The following ASTN2 variants were observed in gnomAD, a reference collection of about 807,000 sequenced individuals.
ASTN2 encodes astrotactin-2.
In ASTN2, 54 loss-of-function variants were observed where a neutral mutation model predicts 139.8. The ratio of observed to expected loss-of-function variants is 0.39; its 90% CI spans 0.31 to 0.48. The LOEUF (loss-of-function observed/expected upper bound fraction) is 0.48, where lower values mean the gene tolerates loss of function less well. Ranked by LOEUF, ASTN2 falls within the 20% of genes least tolerant of loss-of-function variation. The probability of loss-of-function intolerance (pLI) is 0.95; values close to 1 mark genes in which losing one functional copy is unlikely to be tolerated. For synonymous variants in ASTN2, 756 were observed against 719.5 expected (o/e 1.05, Z -0.81); for missense variants, 1,565 against 1,725.1 (o/e 0.91, Z 1.64).
chr9:117,229,003 C>CA (rs34016967), intron 2 of ASTN2, among the ~76,000 whole-genome samples: 2 of 122,640 alleles, frequency 1.6e-5, no homozygotes, highest in Non-Finnish European at 3.7e-5. Flanking sequence ...GACTCCATTT[C>CA]AAAAAACAAA....
chr9:116,514,450 G>A (rs113189148), intron 19 of ASTN2, among the ~76,000 whole-genome samples: 1,869 of 152,212 alleles, frequency 0.012, 33 homozygotes, highest in African/African-American at 0.043. Flanking sequence ...CAGGGGTCAG[G>A]GACCCACTTG....
intron 1 of ASTN2, among the ~76,000 whole-genome samples, chr9:117,410,734 C>T (rs1320294999): frequency 6.6e-6 from 1 of 152,180 alleles, no homozygotes; most frequent in Non-Finnish European, 1.5e-5. Flanking sequence ...CCCCAGTCTT[C>T]TCCAATTCTA....
Position 117,361,383 on chromosome 9 carries a change from C to A in ASTN2, c.442+53114G>T, listed in dbSNP as rs987117618. 2.7e-5 allele frequency among the ~76,000 whole-genome samples: 4 copies of A among 150,614 alleles called. No homozygotes were observed. The South Asian group carries it at 8.4e-4, about 32-fold the overall frequency. ...GGCCGACTTGGAATCCTAGCTCCAACTCCACCCTCATTAAATTCTGTGTGA... is the reference window on the plus strand; with the variant it reads ...GGCCGACTTGGAATCCTAGCTCCAAATCCACCCTCATTAAATTCTGTGTGA... On this transcript the variant is annotated intron_variant, in intron 1 of 22. Coordinates refer to ENST00000313400, the MANE Select transcript of ASTN2 (RefSeq NM_001365068.1).
rs764888132 is a variant in ASTN2, at chr9:116,725,751, A to G, written c.2806+20T>C. ...TATAGCCTGCCTGGCCACCTCCTAC[A>G]GTAGGCACTCCGGGCTTACCTTTCT... On this transcript the variant is annotated intron_variant, in intron 16 of 22. Transcript: ENST00000313400. 2 of 1,608,880 alleles carry G rather than the reference A, an allele frequency of 1.2e-6. No individual in the cohort carries two copies. Among genetic ancestry groups the G allele is most frequent in the Non-Finnish European group, 8.5e-7 (1 of 1,178,190 alleles).
At chr9:117,413,882 A>G (rs1473664965) in intron 1 of ASTN2, among the ~76,000 whole-genome samples, 3 of 152,062 alleles carry the variant, frequency 2.0e-5, no homozygotes, top group Non-Finnish European at 4.4e-5. Flanking sequence ...CTCAGCAACC[A>G]CTCAAGTCTC....
intron 20 of ASTN2, among the ~76,000 whole-genome samples, chr9:116,468,101 A>G (rs1848705878): frequency 6.6e-6 from 1 of 152,122 alleles, no homozygotes; most frequent in Admixed American, 6.6e-5. Flanking sequence ...TGACACTATC[A>G]TTATCAATAC....
chr9:116,999,548 CTTTTTTTTTTTTTTTTTTTTT>C (rs71379248), intron 7 of ASTN2, among the ~76,000 whole-genome samples: 1 of 94,964 alleles, frequency 1.1e-5, no homozygotes, highest in Admixed American at 1.1e-4. Flanking sequence ...TTCTCTCTTT[CTTTTTTTTTTTTTTTTTTTTT>C]TTTTTTTTTG....
intron 6 of ASTN2, among the ~76,000 whole-genome samples, chr9:117,019,254 T>A (rs1242043511): frequency 6.6e-6 from 1 of 152,072 alleles, no homozygotes; most frequent in Non-Finnish European, 1.5e-5. Context: ...TCCAAAGACA[T>A]GTAATACATC....
chr9:116,622,872 T>A (rs987568688), intron 17 of ASTN2, among the ~76,000 whole-genome samples: 5 of 152,232 alleles, frequency 3.3e-5, no homozygotes, highest in African/African-American at 1.2e-4. Flanking sequence ...GTCTATTCTC[T>A]AGCCAGCACC....
intron 1 of ASTN2, among the ~76,000 whole-genome samples, chr9:117,371,033 C>G (rs895347775): frequency 1.3e-5 from 2 of 151,512 alleles, no homozygotes; most frequent in African/African-American, 4.9e-5. Flanking sequence ...TCAAATACCC[C>G]CAACAGTCCC....
chr9:117,039,192 A>T (rs1446454316), intron 6 of ASTN2, among the ~76,000 whole-genome samples: 40 of 152,218 alleles, frequency 2.6e-4, no homozygotes. Context: ...AGTTAAAAGT[A>T]GTCTTTACTG....
intron 13 of ASTN2, among the ~76,000 whole-genome samples, chr9:116,778,498 C>T (rs1042447157): frequency 1.3e-5 from 2 of 152,066 alleles, no homozygotes; most frequent in Non-Finnish European, 2.9e-5. Context: ...AGGGAAAATA[C>T]TTGGGGGCTT....
intron 20 of ASTN2, among the ~76,000 whole-genome samples, chr9:116,462,474 C>A (rs758279326): frequency 2.6e-5 from 4 of 152,154 alleles, no homozygotes; most frequent in Non-Finnish European, 5.9e-5. Context: ...CAATAATAAT[C>A]CTGTATTCTT....
intron 10 of ASTN2, among the ~76,000 whole-genome samples, chr9:116,926,913 G>A (rs1294480933): frequency 6.6e-6 from 1 of 152,166 alleles, no homozygotes; most frequent in Non-Finnish European, 1.5e-5. Flanking sequence ...GGGCCATCAG[G>A]AGATTATTTA....
At chr9:116,750,199 T>C (rs1829359833) in intron 13 of ASTN2, among the ~76,000 whole-genome samples, 1 of 152,154 alleles carries the variant, frequency 6.6e-6, no homozygotes, top group South Asian at 2.1e-4. Flanking sequence ...AAGCAAAAGA[T>C]AGAAAATAAT....
chr9:116,902,518 A>G (rs1021201542), intron 10 of ASTN2, among the ~76,000 whole-genome samples: 2 of 152,162 alleles, frequency 1.3e-5, no homozygotes, highest in African/African-American at 4.8e-5. Context: ...AATTGCCTAC[A>G]GTATTCAGTA....
intron 10 of ASTN2, among the ~76,000 whole-genome samples, chr9:116,881,787 C>A (rs1057260004): frequency 2.0e-5 from 3 of 152,166 alleles, no homozygotes; most frequent in Non-Finnish European, 4.4e-5. Flanking sequence ...CAGCAACAGG[C>A]CGTGTTCAAT....
chr9:116,570,171 T>C (rs1853438922), intron 19 of ASTN2, among the ~76,000 whole-genome samples: 1 of 152,204 alleles, frequency 6.6e-6, no homozygotes, highest in Non-Finnish European at 1.5e-5. Context: ...CTTTCCAAAG[T>C]TGTTTTATGA....
intron 3 of ASTN2, among the ~76,000 whole-genome samples, chr9:117,149,218 C>A (rs1218469314): frequency 6.6e-6 from 1 of 151,928 alleles, no homozygotes; most frequent in Non-Finnish European, 1.5e-5. Flanking sequence ...CAGGGTTTCA[C>A]CATGTTGGCC....
Sources: allele counts gnomAD v4.1 joint callset (sites outside exome capture counted in the v4.1 genomes callset), GRCh38; gene constraint gnomAD v4.1.1; transcripts MANE v1.5; gene names NCBI Gene and HGNC (gene_info 2026-07-23, HGNC 2026-07-21).